The following GLIS3 variants were observed in gnomAD, a reference collection of about 807,000 sequenced individuals.
GLIS3 encodes GLIS family zinc finger 3.
A neutral mutation model predicts 78.6 loss-of-function variants in GLIS3; 53 were observed. That is an observed-to-expected ratio of 0.67 (90% confidence interval 0.54 to 0.85). The LOEUF (loss-of-function observed/expected upper bound fraction) is 0.85. Among genes scored for constraint, GLIS3 ranks in the 40% least tolerant of loss-of-function variants. The pLI, the probability that GLIS3 is intolerant of heterozygous loss-of-function variation, is 0.00. For missense variants in GLIS3, 1,703 were observed against 1,231.1 expected, an observed-to-expected ratio of 1.38 and a Z score of -5.74; for synonymous variants, 684 against 509.9, an observed-to-expected ratio of 1.34 and a Z score of -4.60.
intron 8 of GLIS3, among the ~76,000 whole-genome samples, chr9:3,858,296 T>G (rs1819920897): frequency 6.6e-6 from 1 of 152,094 alleles, no homozygotes; most frequent in Non-Finnish European, 1.5e-5. Context: ...ATCTAGATCC[T>G]ATATATATAT....
chr9:3,881,434 A>C (rs200364130), intron 7 of GLIS3, among the ~76,000 whole-genome samples: 2 of 152,144 alleles, frequency 1.3e-5, no homozygotes, highest in African/African-American at 4.8e-5. Context: ...TTACAACCCA[A>C]TGGGCAACAA....
At chr9:4,096,820 TG>T in intron 4 of GLIS3, among the ~76,000 whole-genome samples, 1 of 152,258 alleles carries the variant, frequency 6.6e-6, no homozygotes, top group Non-Finnish European at 1.5e-5. Flanking sequence ...AAGACCAGCC[TG>T]GGCAACATGG....
chr9:4,207,234 G>C (rs900907881), intron 2 of GLIS3, among the ~76,000 whole-genome samples: 1 of 151,958 alleles, frequency 6.6e-6, no homozygotes, highest in African/African-American at 2.4e-5. Context: ...TGCCCCCTTC[G>C]TCCCCACACT....
At position 4,279,813 on chromosome 9, in the gene GLIS3, G is replaced by C. The variant is rs564585696; in HGVS notation, c.388+6225C>G. Among the ~76,000 whole-genome samples, 10 of 150,500 alleles carry C rather than the reference G, an allele frequency of 6.6e-5. No homozygotes were observed. The South Asian group carries it at 1.5e-3, about 22-fold the overall frequency. On this transcript the variant is annotated intron_variant, in intron 2 of 10. Transcript: ENST00000381971. ...TTCCTTTACTTAGGTTTATCCCTGA[G>C]AATACCACAGACAATGAAAAAAGTC...
intron 2 of GLIS3, among the ~76,000 whole-genome samples, chr9:4,182,093 C>A (rs2131176374): frequency 6.6e-6 from 1 of 152,250 alleles, no homozygotes; most frequent in South Asian, 2.1e-4. Flanking sequence ...TATTACATGC[C>A]AACGAGAAGA....
chr9:4,060,417 G>A (rs186224934), intron 4 of GLIS3, among the ~76,000 whole-genome samples: 1 of 152,054 alleles, frequency 6.6e-6, no homozygotes, highest in South Asian at 2.1e-4. Flanking sequence ...TCACTAATAG[G>A]TGGTGTTATG....
intron 4 of GLIS3, among the ~76,000 whole-genome samples, chr9:4,061,327 G>C (rs1271399395): frequency 3.4e-5 from 5 of 148,254 alleles, no homozygotes; most frequent in Non-Finnish European, 7.4e-5. Context: ...TTGGTTTTTT[G>C]TCCTTGCCAG....
chr9:4,358,834 T>C, the GLIS3 span, among the ~76,000 whole-genome samples: 4 of 152,190 alleles, frequency 2.6e-5, no homozygotes, highest in African/African-American at 9.7e-5. Flanking sequence ...CCCTGTAAGA[T>C]GTAAAATCTT....
At chr9:3,869,800 C>G (rs1229035079) in intron 8 of GLIS3, among the ~76,000 whole-genome samples, 1 of 152,070 alleles carries the variant, frequency 6.6e-6, no homozygotes, top group Non-Finnish European at 1.5e-5. Flanking sequence ...TCCTGCTCAC[C>G]AAAAGCTAAC....
intron 4 of GLIS3, among the ~76,000 whole-genome samples, chr9:3,950,699 T>C (rs141587731): frequency 1.7e-3 from 256 of 152,374 alleles, no homozygotes; most frequent in African/African-American, 5.9e-3. Context: ...AGCATCCTCA[T>C]GGAACGTGAG....
chr9:4,072,207 T>A (rs1273690950), intron 4 of GLIS3, among the ~76,000 whole-genome samples: 1 of 152,260 alleles, frequency 6.6e-6, no homozygotes, highest in African/African-American at 2.4e-5. Context: ...ACTCATCTCC[T>A]TTCTTAGAGG....
At chr9:4,127,485 G>C (rs771443132) in intron 2 of GLIS3, among the ~76,000 whole-genome samples, 1 of 151,988 alleles carries the variant, frequency 6.6e-6, no homozygotes, top group Non-Finnish European at 1.5e-5. Context: ...TAGATATTCT[G>C]TTTTCGTAAC....
intron 2 of GLIS3, among the ~76,000 whole-genome samples, chr9:4,338,387 CAT>C (rs1229150586): frequency 1.4e-3 from 146 of 105,500 alleles, no homozygotes; most frequent in African/African-American, 5.4e-3. Context: ...CACACACACA[CAT>C]ACACACACAC....
intron 2 of GLIS3, among the ~76,000 whole-genome samples, chr9:4,248,315 A>T (rs1824004110): frequency 6.6e-6 from 1 of 151,542 alleles, no homozygotes; most frequent in Admixed American, 6.6e-5. Flanking sequence ...TTCAACTCCC[A>T]CTTAGGAGTG....
chr9:3,879,781 C>T lies in GLIS3; in HGVS notation c.2129-186G>A, dbSNP rs193190630. The stretch of plus-strand genomic sequence containing the variant: ...ATTTTCATGGTGGAACAGGTTCCTC[C>T]GGAGCTCACGTCTGGCTCGCTTCAG... On this transcript the variant is annotated intron_variant, in intron 7 of 10. Transcript: ENST00000381971. 2.7e-3 allele frequency among the ~76,000 whole-genome samples: 411 copies of T among 152,224 alleles called. 1 individual carries two copies. The highest frequency in any genetic ancestry group is 4.5e-3 in the Non-Finnish European group (307 of 68,018).
chr9:3,944,895 G>C (rs1563877502), intron 4 of GLIS3, among the ~76,000 whole-genome samples: 1 of 152,204 alleles, frequency 6.6e-6, no homozygotes, highest in Admixed American at 6.5e-5. Flanking sequence ...GTCGTATCAT[G>C]GCAGAGAAGC....
At chr9:4,427,710 G>C in the GLIS3 span, among the ~76,000 whole-genome samples, 1 of 151,834 alleles carries the variant, frequency 6.6e-6, no homozygotes, top group African/African-American at 2.4e-5. Flanking sequence ...AGTACAAAAA[G>C]TAGCCAGGTG....
At chr9:4,270,962 G>A (rs1826457296) in intron 2 of GLIS3, among the ~76,000 whole-genome samples, 1 of 150,616 alleles carries the variant, frequency 6.6e-6, no homozygotes, top group African/African-American at 2.4e-5. Context: ...GAACAACACA[G>A]GTTTGAACTG....
At chr9:4,168,363 A>G (rs1816062612) in intron 2 of GLIS3, among the ~76,000 whole-genome samples, 1 of 152,190 alleles carries the variant, frequency 6.6e-6, no homozygotes, top group South Asian at 2.1e-4. Context: ...ACGGGACTCT[A>G]TTTGTTCCAT....
Sources: gnomAD v4.1 joint callset for allele counts (sites outside exome capture counted in the v4.1 genomes callset) on GRCh38, gnomAD v4.1.1 for gene constraint, MANE v1.5 for transcripts, NCBI Gene and HGNC (gene_info 2026-07-23, HGNC 2026-07-21) for gene names.